The following BAZ1A variants were observed in gnomAD, a reference collection of about 807,000 sequenced individuals.
BAZ1A encodes bromodomain adjacent to zinc finger domain protein 1A.
A neutral mutation model predicts 185.2 loss-of-function variants in BAZ1A; 50 were observed. The ratio of observed to expected loss-of-function variants is 0.27; its 90% CI spans 0.22 to 0.34. The LOEUF is 0.34. Ranked by LOEUF, BAZ1A falls within the 10% of genes least tolerant of loss-of-function variation. The pLI is 1.00. For synonymous variants in BAZ1A, 571 were observed against 615.6 expected (o/e 0.93, Z 1.07); for missense variants, 1,356 against 1,839.9 (o/e 0.74, Z 4.81).
At chr14:34,805,327 C>T (rs1489324173) in intron 6 of BAZ1A, among the ~76,000 whole-genome samples, 1 of 152,154 alleles carries the variant, frequency 6.6e-6, no homozygotes, top group Non-Finnish European at 1.5e-5. Context: ...TTTATTGTGA[C>T]CTTAATTCCC....
At chr14:34,789,792 T>G (rs893096066) in intron 12 of BAZ1A, among the ~76,000 whole-genome samples, 20 of 152,296 alleles carry the variant, frequency 1.3e-4, no homozygotes, top group African/African-American at 4.8e-4. Flanking sequence ...AGACAAGTAA[T>G]TTTACAGGCA....
chr14:34,798,558 C>T (rs1176792564), intron 9 of BAZ1A, among the ~76,000 whole-genome samples: 2 of 152,170 alleles, frequency 1.3e-5, no homozygotes, highest in East Asian at 3.9e-4. Context: ...CAGGCAACCT[C>T]ATCAAAAAAT....
chr14:34,854,140 T>A (rs2095904249), intron 3 of BAZ1A, among the ~76,000 whole-genome samples: 2 of 152,100 alleles, frequency 1.3e-5, no homozygotes, highest in Admixed American at 1.3e-4. Context: ...AAAGTTAAAA[T>A]TGTGGGCTGT....
At chr14:34,798,089 C>T (rs147787517) in intron 9 of BAZ1A, among the ~76,000 whole-genome samples, 4 of 152,246 alleles carry the variant, frequency 2.6e-5, no homozygotes, top group Non-Finnish European at 4.4e-5. Context: ...AGTCTGAGAT[C>T]GACCTGCGAG....
intron 14 of BAZ1A, 138 bp downstream of exon 14, chr14:34,785,638 GA>G: frequency 1.5e-6 from 1 of 666,180 alleles, no homozygotes; most frequent in Non-Finnish European, 2.5e-6. Context: ...AAGTTAATAT[GA>G]ATAATAACAA....
rs905508200 is a variant in BAZ1A at position 34,875,260 on chromosome 14, C to G, written c.-181G>C. ...CCGCGCCCCTGGCTGCCGCTTCTCC[C>G]GCTGCCACTGCCCGACTCCGCGCGG... On this transcript the variant is annotated 5_prime_UTR_variant, in exon 1 of 27. Transcript: ENST00000360310. 32 of 455,014 alleles carry G rather than the reference C, an allele frequency of 7.0e-5. No individual in the cohort carries two copies. Among genetic ancestry groups the G allele is most frequent in the African/African-American group, 4.6e-4 (23 of 50,142 alleles). The allele number at this position is 455,014 out of a possible 1,614,324, so 28.2% of individuals were successfully genotyped here. A position where few individuals can be genotyped will look rare whatever the true frequency, so the allele number is the denominator to read the frequency against.
At chr14:34,775,425 T>C (rs1176124459) in intron 18 of BAZ1A, among the ~76,000 whole-genome samples, 2 of 152,238 alleles carry the variant, frequency 1.3e-5, no homozygotes, top group Non-Finnish European at 2.9e-5. Context: ...CATCTAAAAA[T>C]GCCTTACTGC....
intron 25 of BAZ1A, among the ~76,000 whole-genome samples, chr14:34,758,294 A>C (rs1886357052): frequency 1.4e-5 from 2 of 143,482 alleles, no homozygotes; most frequent in African/African-American, 2.6e-5. Flanking sequence ...ACTAAGAAGA[A>C]GACATGGCCA....
Position 34,765,073 on chromosome 14 carries a change from C to T in BAZ1A, c.3497G>A (p.Cys1166Tyr), listed in dbSNP as rs768329825. The change falls in exon 22 of 27, where the codon TGT (cysteine) becomes TAT (tyrosine). Residue 1166 changes from cysteine (C) to tyrosine (Y), a missense_variant. Physicochemically the swap from Cys to Tyr is radical, Grantham distance 194. This residue lies in a region of BAZ1A where 309 missense variants were observed against 355.3 expected (regional missense o/e 0.87). Coordinates refer to ENST00000360310, the MANE Select transcript of BAZ1A (RefSeq NM_013448.3). ...ATGATGACCCCTATCACAGCCATCA[C>T]AAAGAACCATGTTTTCAGCATCGCC... ...KKGDAENMVLCDGCDRGHHTY... is the reference protein window; with the variant it reads ...KKGDAENMVLYDGCDRGHHTY... 2 of 1,614,182 alleles carry T rather than the reference C, an allele frequency of 1.2e-6. No individual in the cohort carries two copies. Among genetic ancestry groups the T allele is most frequent in the South Asian group, 1.1e-5 (1 of 91,082 alleles).
intron 12 of BAZ1A, among the ~76,000 whole-genome samples, chr14:34,792,272 C>T (rs1157729842): frequency 6.6e-6 from 1 of 151,988 alleles, no homozygotes; most frequent in Non-Finnish European, 1.5e-5. Context: ...TGTATCCCAG[C>T]TACTCAGGAG....
At chr14:34,820,286 C>T (rs1255649234) in intron 4 of BAZ1A, among the ~76,000 whole-genome samples, 1 of 151,916 alleles carries the variant, frequency 6.6e-6, no homozygotes, top group Admixed American at 6.6e-5. Flanking sequence ...CCACAATACC[C>T]GGCTGATTTT....
intron 3 of BAZ1A, among the ~76,000 whole-genome samples, chr14:34,855,859 C>T (rs1032859168): frequency 6.6e-5 from 10 of 152,070 alleles, no homozygotes; most frequent in African/African-American, 2.2e-4. Flanking sequence ...GCCGTGATCA[C>T]GCCACTGCAC....
chr14:34,781,741 G>GC (rs1880054063), intron 16 of BAZ1A, among the ~76,000 whole-genome samples: 1 of 152,112 alleles, frequency 6.6e-6, no homozygotes, highest in Non-Finnish European at 1.5e-5. Context: ...AGGTGATCCG[G>GC]CCGCCTCAGC....
In BAZ1A at chr14:34,764,921, C is replaced by T. The variant is rs746801877; in HGVS notation, c.3562G>A (p.Gly1188Arg). ...VRPKLKTVPE[G>R]DWFCPECRPK... is the part of the protein sequence containing the mutation. ...CGACATTCTGGACAAAACCAGTCTC[C>T]TTCAGGCACAGTCTGAAAAAATCAC... is the stretch of plus-strand genomic sequence containing the variant. Residue 1188 changes from glycine (G) to arginine (R), a missense_variant, in exon 23 of 27, where the codon GGA (glycine) becomes AGA (arginine). By Grantham distance (125) the Gly-to-Arg change is moderately radical. Around this residue, in one of 7 missense-constraint regions of BAZ1A, gnomAD observed 309 missense variants for 355.3 expected, o/e 0.87. Transcript: ENST00000360310. The T allele has an allele frequency of 1.2e-6, 2 of 1,614,136 alleles. No individual in the cohort carries two copies. Among genetic ancestry groups the T allele is most frequent in the East Asian group, 2.2e-5 (1 of 44,884 alleles).
chr14:34,776,271 C>T lies in BAZ1A; in HGVS notation c.2481G>A (p.Glu827=). 6.2e-7 allele frequency: 1 copy of T among 1,613,576 alleles called. No homozygotes were observed. The highest frequency in any genetic ancestry group is 8.5e-7 in the Non-Finnish European group (1 of 1,179,638). The change falls in exon 18 of 27, where the codon GAG becomes GAA. Residue 827 remains glutamate (E), a synonymous_variant. Coordinates refer to ENST00000360310, the MANE Select transcript of BAZ1A (RefSeq NM_013448.3). ...FPSIPGLFIE[E]DYSGLTEDML... The stretch of plus-strand genomic sequence containing the variant: ...TGTCTTCAGTAAGACCAGAATAATC[C>T]TCTTCAATAAAGAGTCCAGGAATAG...
intron 3 of BAZ1A, among the ~76,000 whole-genome samples, chr14:34,861,734 G>T (rs1467601034): frequency 6.6e-6 from 1 of 152,184 alleles, no homozygotes; most frequent in African/African-American, 2.4e-5. Flanking sequence ...TCTTTTAAGT[G>T]AAAAGGGATC....
intron 3 of BAZ1A, among the ~76,000 whole-genome samples, chr14:34,848,264 T>C (rs1324954466): frequency 3.3e-5 from 5 of 152,214 alleles, no homozygotes; most frequent in African/African-American, 7.2e-5. Context: ...AGAGCCCTAA[T>C]TGGTTTATTA....
At chr14:34,816,250 G>C (rs1231168765) in intron 4 of BAZ1A, among the ~76,000 whole-genome samples, 1 of 151,942 alleles carries the variant, frequency 6.6e-6, no homozygotes, top group Non-Finnish European at 1.5e-5. Context: ...ACCACGCCTG[G>C]CTAATTTTTT....
intron 4 of BAZ1A, among the ~76,000 whole-genome samples, chr14:34,824,556 G>A (rs1298450463): frequency 1.3e-5 from 2 of 152,038 alleles, no homozygotes; most frequent in African/African-American, 4.8e-5. Context: ...CTAAGTCTCA[G>A]GTTTTTCCTT....
Sources: gnomAD v4.1 joint callset for allele counts (sites outside exome capture counted in the v4.1 genomes callset) on GRCh38, gnomAD v4.1.1 for gene constraint, gnomAD v4.1.1 regional missense constraint, MANE v1.5 for transcripts, NCBI Gene and HGNC (gene_info 2026-07-23, HGNC 2026-07-21) for gene names.